SLCO4A1: variants seen among roughly 807,000 people sequenced by gnomAD.
The protein encoded by SLCO4A1 is solute carrier organic anion transporter family member 4A1.
A neutral mutation model predicts 64.6 loss-of-function variants in SLCO4A1; 51 were observed. That is an observed-to-expected ratio of 0.79 (90% CI 0.63 to 1.00). SLCO4A1 has a LOEUF of 1.00. Among genes scored for constraint, SLCO4A1 ranks in the 50% least tolerant of loss-of-function variants. The pLI is 0.00. For synonymous variants in SLCO4A1, 471 were observed against 444.9 expected, an observed-to-expected ratio of 1.06 and a Z score of -0.74; for missense variants, 919 against 980.5, an observed-to-expected ratio of 0.94 and a Z score of 0.84.
At chr20:62,671,336 C>T (rs965307286) in intron 11 of SLCO4A1, among the ~76,000 whole-genome samples, 8 of 152,140 alleles carry the variant, frequency 5.3e-5, no homozygotes, top group Non-Finnish European at 1.0e-4. Flanking sequence ...CCCTCTGTCC[C>T]TGCCTCAAGT....
intron 2 of SLCO4A1, among the ~76,000 whole-genome samples, chr20:62,679,949 C>G (rs773346331): frequency 1.3e-5 from 2 of 152,206 alleles, no homozygotes; most frequent in African/African-American, 2.4e-5. Flanking sequence ...CCTTAAAGAC[C>G]CTCTACACGA....
rs376375501 is a variant in SLCO4A1, at chr20:62,660,116, G to A, written c.888-296G>A. Among the ~76,000 whole-genome samples, 639 of 152,294 alleles carry A rather than the reference G, an allele frequency of 4.2e-3. 6 individuals are homozygous for A. Among genetic ancestry groups the A allele is most frequent in the African/African-American group, 0.015 (608 of 41,554 alleles). On this transcript the variant is annotated intron_variant, in intron 3 of 11. Transcript: ENST00000217159. ...GCCTGGAGAGGCTGCTCCTCTTAGT[G>A]CCCAACCCCACCGTGGTCTCAGGAC... is the stretch of plus-strand genomic sequence containing the variant.
rs1983731125 is a variant in SLCO4A1 at position 62,656,477 on chromosome 20, A to G, written c.23A>G (p.Asp8Gly). 6.6e-7 allele frequency: 1 copy of G among 1,505,254 alleles called. No homozygotes were observed. The highest frequency in any genetic ancestry group is 1.4e-5 in the African/African-American group (1 of 72,438). The allele number at this position is 1,505,254 out of a possible 1,614,324, so 93.2% of individuals were successfully genotyped here. The change falls in exon 2 of 12, where the codon GAC (aspartate) becomes GGC (glycine). Residue 8 changes from aspartate (D) to glycine (G), a missense_variant. Asp to Gly is a moderately conservative substitution (Grantham distance 94). Transcript: ENST00000217159. MPLHQLG[D>G]KPLTFPSPNS... Reference sequence around the variant, plus strand: ...GAGATGCCCCTGCATCAGCTGGGGGACAAGCCGCTCACCTTCCCCAGCCCC... The same window carrying G: ...GAGATGCCCCTGCATCAGCTGGGGGGCAAGCCGCTCACCTTCCCCAGCCCC...
At position 62,661,300 on chromosome 20, in the gene SLCO4A1, C is replaced by T. The variant is rs1984783730; in HGVS notation, c.1121+125C>T. 1 of 691,084 alleles carries T rather than the reference C, an allele frequency of 1.4e-6. No individual in the cohort carries two copies. Among genetic ancestry groups the T allele is most frequent in the Non-Finnish European group, 2.6e-6 (1 of 391,882 alleles). 42.8% of individuals were successfully genotyped at this position (691,084 alleles called of 1,614,324 possible). The stretch of plus-strand genomic sequence containing the variant: ...CGCAGCCCCTAACCTCTGTCGTGAC[C>T]CTGGGCCAAGAGATTAAGGAGCAAC... On this transcript the variant is annotated intron_variant, in intron 5 of 11. Coordinates refer to ENST00000217159, the MANE Select transcript of SLCO4A1 (RefSeq NM_016354.4). The surrounding 1 kb of genome is among the most constrained non-coding windows in gnomAD (Gnocchi z 5.2).
chr20:62,675,830 C>T (rs149877497), downstream of SLCO4A1, among the ~76,000 whole-genome samples: 355 of 152,330 alleles, frequency 2.3e-3, 1 homozygote, highest in African/African-American at 6.7e-3. Context: ...CTCCCACGTC[C>T]TGGGAGGAGC....
rs762846122 is a variant in SLCO4A1, at chr20:62,656,973, G to A, written c.519G>A (p.Leu173=). 12 of 1,566,534 alleles carry A rather than the reference G, an allele frequency of 7.7e-6. No homozygotes were observed. The South Asian group carries it at 1.2e-4, about 15-fold the overall frequency. The change falls in exon 2 of 12, where the codon CTG becomes CTA. Residue 173 remains leucine, a synonymous_variant. Coordinates refer to ENST00000217159, the MANE Select transcript of SLCO4A1 (RefSeq NM_016354.4). The part of the protein sequence containing the change: ...FGGSGHKPRW[L]GWGVLLMGTG... ...GCTCAGGGCACAAGCCGCGCTGGCT[G>A]GGCTGGGGCGTGCTGCTTATGGGCA...
chr20:62,648,676 G>T (rs1324128834), intron 1 of SLCO4A1, among the ~76,000 whole-genome samples: 1 of 152,228 alleles, frequency 6.6e-6, no homozygotes, highest in Non-Finnish European at 1.5e-5. Context: ...GAGCTCAGCT[G>T]GTTCAGGCCT....
At chr20:62,658,532 T>C (rs1984173687) in intron 2 of SLCO4A1, 145 bp from the exon 3 acceptor site, 1 of 636,800 alleles carries the variant, frequency 1.6e-6, no homozygotes. Context: ...CACAGACTCA[T>C]CTAACTTAAA....
intron 8 of SLCO4A1, 23 bp downstream of exon 8, chr20:62,667,933 G>T (rs373113815): frequency 4.7e-5 from 76 of 1,613,816 alleles, no homozygotes; most frequent in Non-Finnish European, 6.2e-5. Context: ...GCTGCCTACC[G>T]CCCCTGTCCT....
chr20:62,660,953 G>GACGTT, intron 4 of SLCO4A1, 111 bp from the exon 5 acceptor site: 1 of 738,624 alleles, frequency 1.4e-6, no homozygotes, highest in Non-Finnish European at 2.2e-6. Context: ...GTCAGACAGT[G>GACGTT]ACGTTCCCAG....
Position 62,661,876 on chromosome 20 carries a change from G to A in SLCO4A1, c.1121+701G>A, listed in dbSNP as rs1985000774. 6.6e-6 allele frequency among the ~76,000 whole-genome samples: 1 copy of A among 151,876 alleles called. No individual in the cohort carries two copies. Among genetic ancestry groups the A allele is most frequent in the South Asian group, 2.1e-4 (1 of 4,814 alleles). On this transcript the variant is annotated intron_variant, in intron 5 of 11. Coordinates refer to ENST00000217159, the MANE Select transcript of SLCO4A1 (RefSeq NM_016354.4). The surrounding 1 kb of genome is among the most constrained non-coding windows in gnomAD (Gnocchi z 5.2). ...GGGGTCCTAGAGGGACAACAGAGGG[G>A]CCCGGGCCCTCCCGGCCTCTCCTGG...
rs746709166 is a variant in SLCO4A1 at position 62,660,537 on chromosome 20, G to C, written c.1009+4G>C. ...GGTTACCCTCGGCAGCTGCCAGGTG[G>C]GTTTCCCTTCCCCAGCCCAGCCTTC... On this transcript the variant is annotated splice_donor_region_variant and intron_variant, in intron 4 of 11. Transcript: ENST00000217159. 6.2e-7 allele frequency: 1 copy of C among 1,604,464 alleles called. No homozygotes were observed. Among genetic ancestry groups the C allele is most frequent in the Non-Finnish European group, 8.5e-7 (1 of 1,179,900 alleles).
chr20:62,664,186 G>A (rs1417815461), intron 5 of SLCO4A1, among the ~76,000 whole-genome samples: 2 of 152,002 alleles, frequency 1.3e-5, no homozygotes, highest in Admixed American at 6.6e-5. Context: ...GGGCCAGACG[G>A]CTCAGAGTTC....
intron 2 of SLCO4A1, among the ~76,000 whole-genome samples, chr20:62,683,595 A>G (rs1261930331): frequency 6.6e-6 from 1 of 152,102 alleles, no homozygotes; most frequent in African/African-American, 2.4e-5. Context: ...CACCTTTTCT[A>G]GGTTCAGGTG....
intron 6 of SLCO4A1, 91 bp downstream of exon 6, chr20:62,665,179 G>A (rs866263398): frequency 1.4e-6 from 2 of 1,442,552 alleles, no homozygotes; most frequent in Non-Finnish European, 1.9e-6. Flanking sequence ...GACCCAGACA[G>A]GGCACATGGC....
chr20:62,666,284 G>A, intron 6 of SLCO4A1, 96 bp from the exon 7 acceptor site: 1 of 1,089,074 alleles, frequency 9.2e-7, no homozygotes, highest in Non-Finnish European at 1.4e-6. Context: ...CTATGCCTCA[G>A]TTTCCCCACC....
At position 62,658,741 on chromosome 20, in the gene SLCO4A1, G is replaced by T; in HGVS notation, c.861G>T (p.Leu287=). The T allele has an allele frequency of 6.2e-7, 1 of 1,611,680 alleles. No homozygotes were observed. The change falls in exon 3 of 12, where the codon CTG becomes CTT. Residue 287 remains leucine, a synonymous_variant. Transcript: ENST00000217159. ...GCTACCTGATTGGAGGTGCCCTGCT[G>T]AATATCTACACGGAAATGGGCCGAC... ...AAGYLIGGAL[L]NIYTEMGRRT... is the part of the protein sequence containing the mutation.
At position 62,661,341 on chromosome 20, in the gene SLCO4A1, G is replaced by A. The variant is rs951885306; in HGVS notation, c.1121+166G>A. On this transcript the variant is annotated intron_variant, in intron 5 of 11. Transcript: ENST00000217159. The surrounding 1 kb of genome is among the most constrained non-coding windows in gnomAD (Gnocchi z 5.2). ...AAGGAGCAACAGATAGAGCCTCTGG[G>A]CCAGGGGCCGCAGACCCCGCCTCAG... 3.3e-5 allele frequency among the ~76,000 whole-genome samples: 5 copies of A among 152,120 alleles called. No individual in the cohort carries two copies. Among genetic ancestry groups the A allele is most frequent in the African/African-American group, 1.2e-4 (5 of 41,424 alleles).
At chr20:62,676,235 C>T (rs760003182), downstream of SLCO4A1, among the ~76,000 whole-genome samples, 1 of 151,862 alleles carries the variant, frequency 6.6e-6, no homozygotes, top group Admixed American at 6.6e-5. Context: ...GGCAACGTAG[C>T]GAAACCCTGT....
Sources: allele counts gnomAD v4.1 joint callset (sites outside exome capture counted in the v4.1 genomes callset), GRCh38; gene constraint gnomAD v4.1.1; non-coding constraint Gnocchi (gnomAD v3.1); transcripts MANE v1.5; gene names NCBI Gene and HGNC (gene_info 2026-07-23, HGNC 2026-07-21).